The following PTPRJ variants were observed in gnomAD, a reference collection of about 807,000 sequenced individuals.
The protein encoded by PTPRJ is protein tyrosine phosphatase receptor type J.
A neutral mutation model predicts 141.3 loss-of-function variants in PTPRJ; 129 were observed. The ratio of observed to expected loss-of-function variants is 0.91; its 90% CI spans 0.79 to 1.06. The LOEUF (loss-of-function observed/expected upper bound fraction) is 1.06, where lower values mean the gene tolerates loss of function less well. Ranked by LOEUF, PTPRJ falls within the 50% of genes least tolerant of loss-of-function variation. The pLI is 0.00. For missense variants in PTPRJ, 1,601 were observed against 1,679.7 expected, an observed-to-expected ratio of 0.95 and a Z score of 0.82; for synonymous variants, 610 against 640.5, an observed-to-expected ratio of 0.95 and a Z score of 0.72.
At chr11:47,984,474 C>T (rs1246054678) in intron 1 of PTPRJ, among the ~76,000 whole-genome samples, 1 of 152,170 alleles carries the variant, frequency 6.6e-6, no homozygotes, top group African/African-American at 2.4e-5. Context: ...TTATGCATGA[C>T]AGGCACTGTG....
At chr11:48,160,655 GT>G (rs536830143) in intron 22 of PTPRJ, among the ~76,000 whole-genome samples, 117 of 152,284 alleles carry the variant, frequency 7.7e-4, no homozygotes, top group African/African-American at 2.7e-3. Flanking sequence ...ACTCTCTGCT[GT>G]TTATATCACA....
chr11:48,046,904 ATATATATATTTT>A (rs1854415497), intron 1 of PTPRJ, among the ~76,000 whole-genome samples: 2 of 93,082 alleles, frequency 2.1e-5, no homozygotes, highest in South Asian at 6.4e-4. Flanking sequence ...ATATATATAT[ATATATATATTTT>A]TTTTTTTTTT....
At chr11:47,991,558 A>C (rs1451783681) in intron 1 of PTPRJ, among the ~76,000 whole-genome samples, 1 of 152,200 alleles carries the variant, frequency 6.6e-6, no homozygotes, top group African/African-American at 2.4e-5. Flanking sequence ...CTGAGGGGCC[A>C]GCAAATTTTC....
chr11:48,129,579 C>T (rs2134350467), intron 7 of PTPRJ, among the ~76,000 whole-genome samples: 1 of 152,276 alleles, frequency 6.6e-6, no homozygotes, highest in African/African-American at 2.4e-5. Flanking sequence ...CACAAGTCAG[C>T]TCATAACAGT....
chr11:47,996,274 G>T (rs1447837714), intron 1 of PTPRJ, among the ~76,000 whole-genome samples: 1 of 149,342 alleles, frequency 6.7e-6, no homozygotes, highest in African/African-American at 2.5e-5. Flanking sequence ...GGCGGAGCTT[G>T]CAGTGAGCCA....
intron 1 of PTPRJ, among the ~76,000 whole-genome samples, chr11:48,106,975 G>C (rs1265917294): frequency 6.6e-6 from 1 of 151,722 alleles, no homozygotes; most frequent in Non-Finnish European, 1.5e-5. Context: ...CACCATGTTG[G>C]CCAGGCTGGT....
chr11:48,085,371 G>C (rs931891868), intron 1 of PTPRJ, among the ~76,000 whole-genome samples: 9 of 150,642 alleles, frequency 6.0e-5, no homozygotes, highest in African/African-American at 2.0e-4. Flanking sequence ...GAGTTTCACT[G>C]TGTCACCCAG....
chr11:48,074,746 C>G (rs1263850181), intron 1 of PTPRJ, among the ~76,000 whole-genome samples: 1 of 152,070 alleles, frequency 6.6e-6, no homozygotes, highest in Non-Finnish European at 1.5e-5. Context: ...TTTTTTGACT[C>G]TCATGTTGAA....
intron 1 of PTPRJ, among the ~76,000 whole-genome samples, chr11:48,035,707 T>C (rs906975819): frequency 1.3e-5 from 2 of 152,180 alleles, no homozygotes; most frequent in Admixed American, 1.3e-4. Flanking sequence ...ATTGCTATTA[T>C]TGGCGATTGC....
chr11:48,065,004 CTTTT>C (rs61139660), intron 1 of PTPRJ, among the ~76,000 whole-genome samples: 85 of 117,188 alleles, frequency 7.3e-4, no homozygotes, highest in African/African-American at 2.7e-3. Flanking sequence ...CCTCAACTAC[CTTTT>C]TTTTTTTTTT....
At position 48,143,035 on chromosome 11, in the gene PTPRJ, C is replaced by T; in HGVS notation, c.2560C>T (p.Leu854Phe). Residue 854 changes from leucine to phenylalanine, a missense_variant, in exon 12 of 25, where the codon CTC (leucine) becomes TTC (phenylalanine). Leu to Phe is a conservative substitution (Grantham distance 22, BLOSUM62 0). Coordinates refer to ENST00000418331, the MANE Select transcript of PTPRJ (RefSeq NM_002843.4). ...ACCCATCAAAGCCTATGCTGTCATT[C>T]TCACCACCGGGGAAGGTAAGGAGAG... ...HGPIKAYAVILTTGEAGHPSA... is the reference protein window; with the variant it reads ...HGPIKAYAVIFTTGEAGHPSA... The T allele has an allele frequency of 6.2e-7, 1 of 1,614,120 alleles. No homozygotes were observed. The highest frequency in any genetic ancestry group is 8.5e-7 in the Non-Finnish European group (1 of 1,179,978).
chr11:48,037,736 C>CAGAGGTTCAGTG (rs1854163469), intron 1 of PTPRJ, among the ~76,000 whole-genome samples: 1 of 152,052 alleles, frequency 6.6e-6, no homozygotes, highest in Non-Finnish European at 1.5e-5. Context: ...TCGCTTGAAC[C>CAGAGGTTCAGTG]CAGGAGGCAG....
In PTPRJ at chr11:48,137,210, C is replaced by T. The variant is rs918671710; in HGVS notation, c.2081C>T (p.Thr694Ile). The T allele has an allele frequency of 3.1e-6, 5 of 1,614,062 alleles. No individual in the cohort carries two copies. Among genetic ancestry groups the T allele is most frequent in the Non-Finnish European group, 4.2e-6 (5 of 1,179,898 alleles). Residue 694 changes from threonine to isoleucine, a missense_variant, in exon 10 of 25, where the codon ACA becomes ATA. Transcript: ENST00000418331. ...GAATTAATACCTGGCTCATCATACA[C>T]AGTGGAGATCTTTGCACAAGTAGGG... is the stretch of plus-strand genomic sequence containing the variant. Reference protein sequence around the residue: ...VTELIPGSSYTVEIFAQVGDG... With the variant: ...VTELIPGSSYIVEIFAQVGDG...
At chr11:48,066,558 T>C (rs1336707098) in intron 1 of PTPRJ, among the ~76,000 whole-genome samples, 2 of 4,218 alleles carry the variant, frequency 4.7e-4, no homozygotes, top group Non-Finnish European at 1.0e-3. Flanking sequence ...CCAGTCGTAT[T>C]ATTATTATTA....
chr11:48,145,621 C>T lies in PTPRJ; in HGVS notation c.2911+497C>T, dbSNP rs566906949. On this transcript the variant is annotated intron_variant, in intron 14 of 24. Coordinates refer to ENST00000418331, the MANE Select transcript of PTPRJ (RefSeq NM_002843.4). ...TCACCCAGGCTGGAGTGCAGTGGCA[C>T]GATATCTGCTCACTGCAACCTCTGC... is the stretch of plus-strand genomic sequence containing the variant. Among the ~76,000 whole-genome samples, 41 of 141,700 alleles carry T rather than the reference C, an allele frequency of 2.9e-4. 1 individual carries two copies. The South Asian group carries it at 4.3e-3, about 15-fold the overall frequency. 93.0% of individuals were successfully genotyped at this position (141,700 alleles called of 152,430 possible). A position where few individuals can be genotyped will look rare whatever the true frequency, so the allele number is the denominator to read the frequency against.
intron 1 of PTPRJ, among the ~76,000 whole-genome samples, chr11:48,013,105 A>C (rs1854852957): frequency 1.0e-3 from 3 of 2,930 alleles, no homozygotes; most frequent in Admixed American, 8.8e-3. Context: ...CTCTGTGTCA[A>C]AAAAAAAAAA....
At chr11:48,035,541 T>C (rs398089005) in intron 1 of PTPRJ, among the ~76,000 whole-genome samples, 718 of 69,538 alleles carry the variant, frequency 0.01, 6 homozygotes, top group African/African-American at 0.041. Context: ...TCTTCTTCTT[T>C]TTTTTTTTTT....
intron 1 of PTPRJ, among the ~76,000 whole-genome samples, chr11:48,065,351 C>T (rs1013333501): frequency 6.6e-6 from 1 of 152,014 alleles, no homozygotes. Flanking sequence ...CCTCTAAGCC[C>T]GCTCAGTGTG....
intron 1 of PTPRJ, among the ~76,000 whole-genome samples, chr11:48,038,418 G>T (rs1565270285): frequency 1.3e-5 from 2 of 151,724 alleles, no homozygotes; most frequent in African/African-American, 4.8e-5. Flanking sequence ...TTACTTTGGA[G>T]TTTTTTTTCT....
Sources: allele counts gnomAD v4.1 joint callset (sites outside exome capture counted in the v4.1 genomes callset), GRCh38; gene constraint gnomAD v4.1.1; transcripts MANE v1.5; gene names NCBI Gene and HGNC (gene_info 2026-07-23, HGNC 2026-07-21).